Variants in ADAMTS3 observed in about 807,000 individuals in gnomAD.
ADAMTS3 encodes ADAM metallopeptidase with thrombospondin type 1 motif 3.
Under a neutral mutation model 129.0 loss-of-function variants are expected in ADAMTS3, and 73 were observed. The observed-to-expected ratio is 0.57, with a 90% CI of 0.47 to 0.69. The LOEUF is 0.69. ADAMTS3 is among the 30% of genes least tolerant of loss of function. The probability of loss-of-function intolerance (pLI) is 0.00; values close to 1 mark genes in which losing one functional copy is unlikely to be tolerated. For missense variants in ADAMTS3, 1,457 were observed against 1,514.5 expected (o/e 0.96, Z 0.63); for synonymous variants, 477 against 510.8 (o/e 0.93, Z 0.89).
intron 20 of ADAMTS3, 128 bp from the exon 21 acceptor site, chr4:72,288,996 C>T (rs910385754): frequency 2.8e-5 from 18 of 639,504 alleles, no homozygotes; most frequent in Non-Finnish European, 4.7e-5. Flanking sequence ...AGTGGGTTCT[C>T]TATTAAGTAA....
chr4:72,365,551 C>T (rs924683193), intron 4 of ADAMTS3, among the ~76,000 whole-genome samples: 2 of 152,164 alleles, frequency 1.3e-5, no homozygotes, highest in South Asian at 2.1e-4. Context: ...AGGTTGTGCA[C>T]TGCACAAGGG....
At chr4:72,302,303 TAAA>T (rs11304337) in intron 17 of ADAMTS3, among the ~76,000 whole-genome samples, 1 of 144,676 alleles carries the variant, frequency 6.9e-6, no homozygotes, top group African/African-American at 2.5e-5. Flanking sequence ...AAAATGGAAA[TAAA>T]AAAAAAAAAA....
At chr4:72,480,067 A>G (rs1183293013) in intron 3 of ADAMTS3, among the ~76,000 whole-genome samples, 1 of 152,210 alleles carries the variant, frequency 6.6e-6, no homozygotes, top group Non-Finnish European at 1.5e-5. Context: ...GAGGATGTGG[A>G]GAAATAGGAA....
Position 72,382,058 on chromosome 4 carries a change from T to C in ADAMTS3, c.661+32757A>G, listed in dbSNP as rs553850780. 3.9e-5 allele frequency among the ~76,000 whole-genome samples: 6 copies of C among 152,274 alleles called. No individual in the cohort carries two copies. The South Asian group carries it at 1.2e-3, about 32-fold the overall frequency. On this transcript the variant is annotated intron_variant, in intron 4 of 21. Coordinates refer to ENST00000286657, the MANE Select transcript of ADAMTS3 (RefSeq NM_014243.3). ...TGGTGGCAGTAATTGAGGCTGTGCA[T>C]GAAATCAACAACAGAAACTTAAGCT...
intron 19 of ADAMTS3, among the ~76,000 whole-genome samples, chr4:72,291,797 C>G (rs1266836358): frequency 6.6e-6 from 1 of 152,088 alleles, no homozygotes; most frequent in Non-Finnish European, 1.5e-5. Flanking sequence ...AATGGTATTT[C>G]TAGTTCTAGA....
chr4:72,513,473 G>A (rs994422161), intron 3 of ADAMTS3, among the ~76,000 whole-genome samples: 6 of 151,954 alleles, frequency 3.9e-5, no homozygotes, highest in East Asian at 1.9e-4. Context: ...TTCCACTTCC[G>A]TTTCACTCCC....
intron 2 of ADAMTS3, among the ~76,000 whole-genome samples, chr4:72,550,183 C>T (rs961279944): frequency 2.6e-5 from 4 of 151,632 alleles, no homozygotes; most frequent in Admixed American, 2.0e-4. Context: ...TCTAGCCTTA[C>T]GCTAATCCTA....
chr4:72,373,858 C>T (rs1026944488), intron 4 of ADAMTS3, among the ~76,000 whole-genome samples: 1 of 150,620 alleles, frequency 6.6e-6, no homozygotes, highest in Admixed American at 6.6e-5. Context: ...CAAGATCACA[C>T]CACTGCACTC....
intron 3 of ADAMTS3, among the ~76,000 whole-genome samples, chr4:72,541,751 A>C (rs1331033242): frequency 6.6e-6 from 1 of 151,514 alleles, no homozygotes; most frequent in South Asian, 2.1e-4. Flanking sequence ...GCCACTATGT[A>C]AGATGTGCCT....
chr4:72,433,739 G>A (rs190704888), intron 3 of ADAMTS3, among the ~76,000 whole-genome samples: 16 of 151,940 alleles, frequency 1.1e-4, no homozygotes, highest in Admixed American at 9.8e-4. Context: ...TTACATATAA[G>A]TGATTTTCCA....
chr4:72,488,923 C>T (rs971667111), intron 3 of ADAMTS3, among the ~76,000 whole-genome samples: 3 of 151,912 alleles, frequency 2.0e-5, no homozygotes, highest in African/African-American at 4.8e-5. Flanking sequence ...GCTTTGACCA[C>T]TATCTCCCCA....
chr4:72,412,875 T>A (rs1722215652), intron 4 of ADAMTS3, among the ~76,000 whole-genome samples: 1 of 152,042 alleles, frequency 6.6e-6, no homozygotes, highest in Non-Finnish European at 1.5e-5. Context: ...CTTCAGTGTC[T>A]GCATTATTAA....
intron 2 of ADAMTS3, 66 bp downstream of exon 2, chr4:72,567,308 G>A: frequency 1.4e-6 from 2 of 1,470,160 alleles, no homozygotes; most frequent in Non-Finnish European, 1.9e-6. Context: ...ACAATATTTT[G>A]CTTAGCTCAC....
chr4:72,461,145 G>C (rs141813972), intron 3 of ADAMTS3, among the ~76,000 whole-genome samples: 1 of 151,384 alleles, frequency 6.6e-6, no homozygotes, highest in African/African-American at 2.4e-5. Context: ...ATATCAACTC[G>C]ATGAACTATG....
intron 3 of ADAMTS3, among the ~76,000 whole-genome samples, chr4:72,532,724 C>T (rs1578771379): frequency 1.3e-5 from 2 of 152,072 alleles, no homozygotes; most frequent in Non-Finnish European, 2.9e-5. Flanking sequence ...ACATATTGCT[C>T]CCAGGCTGCA....
At chr4:72,402,388 T>C (rs1385902253) in intron 4 of ADAMTS3, among the ~76,000 whole-genome samples, 1 of 152,204 alleles carries the variant, frequency 6.6e-6, no homozygotes, top group African/African-American at 2.4e-5. Flanking sequence ...GAGCATCTGA[T>C]AAATAAATGA....
chr4:72,335,010 A>G (rs1719953808), intron 5 of ADAMTS3, among the ~76,000 whole-genome samples: 2 of 152,148 alleles, frequency 1.3e-5, no homozygotes, highest in South Asian at 4.1e-4. Context: ...TTTCTTAGGA[A>G]GTTATATCGA....
In ADAMTS3 at chr4:72,380,059, C is replaced by T. The variant is rs374485693; in HGVS notation, c.661+34756G>A. ...AATTTGTGAGGACAGCAAATGCTTC[C>T]GGGGTCTACATGTCTCAAAGGGTAT... On this transcript the variant is annotated intron_variant, in intron 4 of 21. Coordinates refer to ENST00000286657, the MANE Select transcript of ADAMTS3 (RefSeq NM_014243.3). Among the ~76,000 whole-genome samples the T allele has an allele frequency of 9.9e-5, 15 of 152,142 alleles. No homozygotes were observed. The East Asian group carries it at 2.3e-3, about 24-fold the overall frequency.
In ADAMTS3 at chr4:72,567,360, A is replaced by G. The variant is rs1396388070; in HGVS notation, c.97+14T>C. On this transcript the variant is annotated intron_variant, in intron 2 of 21. Coordinates refer to ENST00000286657, the MANE Select transcript of ADAMTS3 (RefSeq NM_014243.3). ...CAACTTAAGATAAGAGTGACATCTGAGAACAAAGCTTACCTATTTGCACCA... is the reference window on the plus strand; with the variant it reads ...CAACTTAAGATAAGAGTGACATCTGGGAACAAAGCTTACCTATTTGCACCA... 1 of 1,613,166 alleles carries G rather than the reference A, an allele frequency of 6.2e-7. No homozygotes were observed. Among genetic ancestry groups the G allele is most frequent in the African/African-American group, 1.3e-5 (1 of 74,910 alleles).
Sources: allele counts gnomAD v4.1 joint callset (sites outside exome capture counted in the v4.1 genomes callset), GRCh38; gene constraint gnomAD v4.1.1; transcripts MANE v1.5; gene names NCBI Gene and HGNC (gene_info 2026-07-23, HGNC 2026-07-21).